Variants in ZDHHC7 observed in about 807,000 individuals in gnomAD.
The protein encoded by ZDHHC7 is palmitoyltransferase ZDHHC7.
ZDHHC7 carries 12 observed loss-of-function variants against 34.1 expected under a neutral mutation model. The ratio of observed to expected loss-of-function variants is 0.35; its 90% confidence interval spans 0.23 to 0.57. The LOEUF (loss-of-function observed/expected upper bound fraction) is 0.57. Among genes scored for constraint, ZDHHC7 ranks in the 20% least tolerant of loss-of-function variants. The probability of loss-of-function intolerance (pLI) is 0.84; values close to 1 mark genes in which losing one functional copy is unlikely to be tolerated. For missense variants in ZDHHC7, 388 were observed against 402.7 expected (o/e 0.96, Z 0.31); for synonymous variants, 185 against 155.4 (o/e 1.19, Z -1.42).
At chr16:84,980,393 G>A (rs186195366) in intron 4 of ZDHHC7, among the ~76,000 whole-genome samples, 124 of 152,170 alleles carry the variant, frequency 8.1e-4, no homozygotes, top group African/African-American at 2.9e-3. Flanking sequence ...CCATAGGTCA[G>A]GCGAGGTGGC....
At chr16:85,006,201 A>T (rs893508612) in intron 1 of ZDHHC7, among the ~76,000 whole-genome samples, 23 of 152,032 alleles carry the variant, frequency 1.5e-4, no homozygotes, top group Admixed American at 4.6e-4. Flanking sequence ...TACAAAAAAA[A>T]TTTTTTAATT....
At chr16:84,990,683 A>C in intron 2 of ZDHHC7, 48 bp from the exon 3 acceptor site, 1 of 1,502,672 alleles carries the variant, frequency 6.7e-7, no homozygotes, top group East Asian at 2.3e-5. Flanking sequence ...AAAGCTCACA[A>C]GCTACCTTAA....
At chr16:85,008,375 A>G (rs1375269618) in intron 1 of ZDHHC7, among the ~76,000 whole-genome samples, 1 of 152,004 alleles carries the variant, frequency 6.6e-6, no homozygotes, top group African/African-American at 2.4e-5. Flanking sequence ...GCATACTGTC[A>G]CACATCAATG....
chr16:85,019,001 C>T, the ZDHHC7 span, among the ~76,000 whole-genome samples: 1 of 152,194 alleles, frequency 6.6e-6, no homozygotes, highest in Non-Finnish European at 1.5e-5. Flanking sequence ...ACCTCACCTC[C>T]GCTGTAGGTG....
At chr16:84,979,870 G>A (rs528447091) in intron 4 of ZDHHC7, among the ~76,000 whole-genome samples, 24 of 151,222 alleles carry the variant, frequency 1.6e-4, no homozygotes, top group African/African-American at 5.8e-4. Flanking sequence ...TTTAGTCCAA[G>A]CTTGCACCAT....
chr16:84,987,401 CA>C (rs1238833947), intron 3 of ZDHHC7, among the ~76,000 whole-genome samples: 1 of 151,574 alleles, frequency 6.6e-6, no homozygotes, highest in East Asian at 1.9e-4. Context: ...GGACACACTG[CA>C]GGTGGGAATG....
rs2072272158 is a variant in ZDHHC7, at chr16:84,974,738, G to A, written c.*1605C>T. ...ACCCACACTTTGTCCCTCTGGCTGT[G>A]ACGCAGCTCTTCCCCCAACGGCGCA... On this transcript the variant is annotated 3_prime_UTR_variant, in exon 8 of 8. Coordinates refer to ENST00000313732, the MANE Select transcript of ZDHHC7 (RefSeq NM_017740.3). 1 of 152,666 alleles carries A rather than the reference G, an allele frequency of 6.6e-6. No individual in the cohort carries two copies. Among genetic ancestry groups the A allele is most frequent in the African/African-American group, 2.4e-5 (1 of 41,448 alleles). The allele number at this position is 152,666 out of a possible 1,614,324, so 9.5% of individuals were successfully genotyped here.
the ZDHHC7 span, among the ~76,000 whole-genome samples, chr16:85,017,952 G>T: frequency 6.6e-6 from 1 of 152,228 alleles, no homozygotes; most frequent in Non-Finnish European, 1.5e-5. Flanking sequence ...AGATTTCTTG[G>T]AACTGTGGTG....
At chr16:84,976,670 C>G in intron 7 of ZDHHC7, 151 bp from the exon 8 acceptor site, 1 of 1,169,718 alleles carries the variant, frequency 8.5e-7, no homozygotes, top group Non-Finnish European at 1.2e-6. Flanking sequence ...CCGATCCAGA[C>G]CCCGTGGCCT....
the ZDHHC7 span, among the ~76,000 whole-genome samples, chr16:85,025,938 G>T: frequency 6.6e-5 from 10 of 152,256 alleles, no homozygotes; most frequent in South Asian, 2.1e-3. Flanking sequence ...CATCTGCCCT[G>T]AAGATTTTCC....
chr16:84,994,980 T>C (rs150559346), intron 2 of ZDHHC7, among the ~76,000 whole-genome samples: 24 of 152,276 alleles, frequency 1.6e-4, no homozygotes, highest in African/African-American at 5.8e-4. Flanking sequence ...GAAGAAACCA[T>C]TCCTTTACAT....
intron 4 of ZDHHC7, among the ~76,000 whole-genome samples, chr16:84,979,917 C>T (rs1309220256): frequency 2.7e-5 from 4 of 148,738 alleles, no homozygotes; most frequent in African/African-American, 7.4e-5. Flanking sequence ...GCAGCAGGTT[C>T]GCTGCAGGCA....
intron 2 of ZDHHC7, among the ~76,000 whole-genome samples, chr16:84,991,565 G>A (rs1429008389): frequency 6.6e-6 from 1 of 152,130 alleles, no homozygotes; most frequent in African/African-American, 2.4e-5. Flanking sequence ...TGGGATTACA[G>A]GCATGAGCCA....
chr16:85,024,677 G>A, the ZDHHC7 span, among the ~76,000 whole-genome samples: 1 of 142,988 alleles, frequency 7.0e-6, no homozygotes, highest in African/African-American at 3.0e-5. Flanking sequence ...ATCCAGAAAC[G>A]ACCCTCCTTG....
chr16:85,004,390 T>TA (rs2072691196), intron 1 of ZDHHC7, among the ~76,000 whole-genome samples: 1 of 152,050 alleles, frequency 6.6e-6, no homozygotes, highest in Non-Finnish European at 1.5e-5. Context: ...GTCCTCTCTC[T>TA]ACTCTCATGC....
rs1184808847 is a variant in ZDHHC7, at chr16:84,974,849, T to G, written c.*1494A>C. On this transcript the variant is annotated 3_prime_UTR_variant, in exon 8 of 8. Transcript: ENST00000313732. ...GGACGGTGGCTCAGGTAGGTCCCTT[T>G]GTGGTTTTGCATCAGCAGTGGTAGA... 1 of 152,748 alleles carries G rather than the reference T, an allele frequency of 6.5e-6. No individual in the cohort carries two copies. Among genetic ancestry groups the G allele is most frequent in the Non-Finnish European group, 1.5e-5 (1 of 68,120 alleles). The allele number at this position is 152,748 out of a possible 1,614,324, so 9.5% of individuals were successfully genotyped here. A position where few individuals can be genotyped will look rare whatever the true frequency, so the allele number is the denominator to read the frequency against.
intron 1 of ZDHHC7, among the ~76,000 whole-genome samples, chr16:85,002,419 G>C (rs948181804): frequency 1.3e-5 from 2 of 152,194 alleles, no homozygotes; most frequent in Admixed American, 6.5e-5. Flanking sequence ...AGCCTTGACA[G>C]GCTGTGGCGA....
the ZDHHC7 span, among the ~76,000 whole-genome samples, chr16:85,018,910 G>T: frequency 5.3e-5 from 8 of 152,298 alleles, no homozygotes; most frequent in East Asian, 1.5e-3. Flanking sequence ...AGGAAAGCCA[G>T]AAGACTGAAA....
the ZDHHC7 span, among the ~76,000 whole-genome samples, chr16:85,017,293 G>T: frequency 1.3e-5 from 2 of 152,184 alleles, no homozygotes; most frequent in Non-Finnish European, 2.9e-5. Context: ...TCAGGGAAAT[G>T]AAAACTTAAA....
Sources: gnomAD v4.1 joint callset for allele counts (sites outside exome capture counted in the v4.1 genomes callset) on GRCh38, gnomAD v4.1.1 for gene constraint, MANE v1.5 for transcripts, NCBI Gene and HGNC (gene_info 2026-07-23, HGNC 2026-07-21) for gene names.